The following RAB20 variants were observed in gnomAD, a reference collection of about 807,000 sequenced individuals.
RAB20 encodes RAB20, member RAS oncogene family.
RAB20 carries 2 observed loss-of-function variants against 3.7 expected under a neutral mutation model. That is an observed-to-expected ratio of 0.54 (90% CI 0.22 to 1.69). RAB20 has a LOEUF of 1.69. Ranked by LOEUF, RAB20 falls within the 40% of genes most tolerant of loss-of-function variation. RAB20 has a pLI of 0.19. For synonymous variants in RAB20, 126 were observed against 130.8 expected (o/e 0.96, Z 0.25); for missense variants, 276 against 311.9 (o/e 0.88, Z 0.87).
intron 1 of RAB20, among the ~76,000 whole-genome samples, chr13:110,532,557 A>T (rs1884560677): frequency 6.6e-6 from 1 of 152,032 alleles, no homozygotes; most frequent in South Asian, 2.1e-4. Flanking sequence ...TTGTACTATT[A>T]GTAGGGACAG....
At chr13:110,540,835 C>G (rs1213342154) in intron 1 of RAB20, among the ~76,000 whole-genome samples, 1 of 152,080 alleles carries the variant, frequency 6.6e-6, no homozygotes, top group African/African-American at 2.4e-5. Flanking sequence ...ATATACGTAT[C>G]TCTCTCACGC....
At chr13:110,524,802 C>T (rs998530145) in intron 1 of RAB20, among the ~76,000 whole-genome samples, 4 of 152,132 alleles carry the variant, frequency 2.6e-5, no homozygotes, top group Admixed American at 2.6e-4. Context: ...GCGGTGCTCA[C>T]GATATTTTTA....
At chr13:110,545,431 G>A (rs532506681) in intron 1 of RAB20, among the ~76,000 whole-genome samples, 2 of 152,330 alleles carry the variant, frequency 1.3e-5, no homozygotes, top group Admixed American at 6.5e-5. Context: ...GTTAGAAATC[G>A]TATTGTGAAT....
intron 1 of RAB20, among the ~76,000 whole-genome samples, chr13:110,524,755 C>T (rs1189842626): frequency 1.3e-5 from 2 of 152,238 alleles, no homozygotes; most frequent in Admixed American, 1.3e-4. Flanking sequence ...TTGTAAACCA[C>T]ACCTGCCCTT....
chr13:110,560,824 T>G (rs925895508), intron 1 of RAB20, among the ~76,000 whole-genome samples: 21 of 152,096 alleles, frequency 1.4e-4, no homozygotes, highest in Non-Finnish European at 2.2e-4. Context: ...AGATTAACTG[T>G]AAAAGGCAGA....
intron 1 of RAB20, among the ~76,000 whole-genome samples, chr13:110,542,188 C>A (rs1450128204): frequency 6.6e-6 from 1 of 152,102 alleles, no homozygotes; most frequent in Non-Finnish European, 1.5e-5. Context: ...CTCAGCTTTA[C>A]TGGGGTATAA....
intron 1 of RAB20, among the ~76,000 whole-genome samples, chr13:110,556,345 C>T (rs1054673938): frequency 4.6e-5 from 7 of 152,098 alleles, no homozygotes; most frequent in African/African-American, 1.2e-4. Context: ...ACTGCCTTTT[C>T]GGAGAGAGGA....
chr13:110,558,631 C>T (rs1885079364), intron 1 of RAB20, among the ~76,000 whole-genome samples: 1 of 151,724 alleles, frequency 6.6e-6, no homozygotes, highest in Non-Finnish European at 1.5e-5. Flanking sequence ...ATCTGCCCGC[C>T]TCACCCTCCT....
intron 1 of RAB20, among the ~76,000 whole-genome samples, chr13:110,535,735 G>A (rs1170311422): frequency 1.3e-5 from 2 of 152,208 alleles, no homozygotes; most frequent in South Asian, 2.1e-4. Flanking sequence ...CTGGCCCAGC[G>A]CCTCTGAGCG....
At chr13:110,537,174 T>G (rs1884661518) in intron 1 of RAB20, among the ~76,000 whole-genome samples, 1 of 151,948 alleles carries the variant, frequency 6.6e-6, no homozygotes, top group Admixed American at 6.6e-5. Context: ...TATTTTTTTT[T>G]TGGTACAGAT....
chr13:110,549,131 G>A (rs1274969521), intron 1 of RAB20, among the ~76,000 whole-genome samples: 2 of 152,198 alleles, frequency 1.3e-5, no homozygotes, highest in East Asian at 3.8e-4. Flanking sequence ...TAGGCCAGAG[G>A]GAGGAAAGAC....
Position 110,524,000 on chromosome 13 carries a change from C to T in RAB20, c.370G>A (p.Ala124Thr). 6.2e-7 allele frequency: 1 copy of T among 1,614,140 alleles called. No homozygotes were observed. Among genetic ancestry groups the T allele is most frequent in the Non-Finnish European group, 8.5e-7 (1 of 1,180,026 alleles). ...CTGCACTCTTCCTTCTCCTGGCCCG[C>T]CAAGGCCCCCTCCTCAGTGAGGTCC... ...KVDLTEEGAL[A>T]GQEKEECSPN... The change falls in exon 2 of 2, where the codon GCG becomes ACG. Residue 124 changes from alanine (A) to threonine (T), a missense_variant. By Grantham distance (58) the Ala-to-Thr change is moderately conservative. Transcript: ENST00000267328.
intron 1 of RAB20, among the ~76,000 whole-genome samples, chr13:110,543,490 T>C (rs551798283): frequency 4.9e-4 from 74 of 152,350 alleles, no homozygotes; most frequent in African/African-American, 1.3e-3. Flanking sequence ...GAGTTCCTTA[T>C]ATATTTTGGA....
rs970034285 is a variant in RAB20, at chr13:110,561,720, A to G, written c.-201T>C. 2 of 884,728 alleles carry G rather than the reference A, an allele frequency of 2.3e-6. No individual in the cohort carries two copies. The highest frequency in any genetic ancestry group is 3.0e-6 in the Non-Finnish European group (2 of 671,348). The allele number at this position is 884,728 out of a possible 1,614,324, so 54.8% of individuals were successfully genotyped here. ...GCGCCCGGGAAGGAGCTGGGTGCAG[A>G]GCACGGAGCCCACGTCGGGGGCCCG... is the stretch of plus-strand genomic sequence containing the variant. On this transcript the variant is annotated 5_prime_UTR_variant, in exon 1 of 2. Transcript: ENST00000267328.
At chr13:110,528,559 C>G (rs1884474287) in intron 1 of RAB20, among the ~76,000 whole-genome samples, 1 of 151,932 alleles carries the variant, frequency 6.6e-6, no homozygotes, top group African/African-American at 2.4e-5. Flanking sequence ...AAAACGTCAT[C>G]AGCTTCTACC....
At position 110,526,227 on chromosome 13, in the gene RAB20, G is replaced by A. The variant is rs911136289; in HGVS notation, c.173-2030C>T. Among the ~76,000 whole-genome samples the A allele has an allele frequency of 3.3e-5, 5 of 152,352 alleles. 1 individual carries two copies. The highest frequency in any genetic ancestry group is 1.9e-4 in the East Asian group (1 of 5,182). On this transcript the variant is annotated intron_variant, in intron 1 of 1. Transcript: ENST00000267328. ...TGGCCTCCACTCTCGAGCTCAGAAC[G>A]CCAAGGTCAAGTGCCTCTGAACAAG... is the stretch of plus-strand genomic sequence containing the variant.
rs1411491427 is a variant in RAB20 at position 110,542,518 on chromosome 13, C to A, written c.173-18321G>T. ...CCACCTGCCAGCTCCTTGTAACCAC[C>A]ATTCCACTCTGCTTCAGTGAGTTCA... On this transcript the variant is annotated intron_variant, in intron 1 of 1. Coordinates refer to ENST00000267328, the MANE Select transcript of RAB20 (RefSeq NM_017817.3). Among the ~76,000 whole-genome samples, 3 of 152,314 alleles carry A rather than the reference C, an allele frequency of 2.0e-5. No individual in the cohort carries two copies. The South Asian group carries it at 6.2e-4, about 32-fold the overall frequency.
At chr13:110,559,447 C>G (rs1012446343) in intron 1 of RAB20, among the ~76,000 whole-genome samples, 1 of 152,204 alleles carries the variant, frequency 6.6e-6, no homozygotes, top group Non-Finnish European at 1.5e-5. Flanking sequence ...GGTATCTGTT[C>G]CTACCTCTCT....
At chr13:110,552,692 C>T (rs1594138850) in intron 1 of RAB20, among the ~76,000 whole-genome samples, 1 of 144,670 alleles carries the variant, frequency 6.9e-6, no homozygotes, top group Non-Finnish European at 1.5e-5. Flanking sequence ...GACTCCATCT[C>T]AAATAAATAA....
Sources: allele counts gnomAD v4.1 joint callset (sites outside exome capture counted in the v4.1 genomes callset), GRCh38; gene constraint gnomAD v4.1.1; transcripts MANE v1.5; gene names NCBI Gene and HGNC (gene_info 2026-07-23, HGNC 2026-07-21).